CEP350: variants seen among roughly 807,000 people sequenced by gnomAD.
CEP350 encodes centrosomal protein 350.
In CEP350, 126 loss-of-function variants were observed where a neutral mutation model predicts 331.8. That is an observed-to-expected ratio of 0.38 (90% CI 0.33 to 0.44). The LOEUF is 0.44. Among genes scored for constraint, CEP350 ranks in the 20% least tolerant of loss-of-function variants. CEP350 has a pLI of 1.00. For synonymous variants in CEP350, 1,200 were observed against 1,259.5 expected (o/e 0.95, Z 1.00); for missense variants, 3,406 against 3,634.6 (o/e 0.94, Z 1.62).
In CEP350 at chr1:180,084,047, G is replaced by T; in HGVS notation, c.6154G>T (p.Gly2052Cys). ...ETTSDQSDIE[G>C]RIRALKDELR... ...TACATCTGACCAGAGTGATATTGAA[G>T]GTAGGATCAGAGCTCTGAAGGATGA... Residue 2052 changes from glycine to cysteine, a missense_variant, in exon 31 of 38, where the codon GGT becomes TGT. Physicochemically the swap from Gly to Cys is radical, Grantham distance 159. Coordinates refer to ENST00000367607, the MANE Select transcript of CEP350 (RefSeq NM_014810.5). The T allele has an allele frequency of 6.3e-7, 1 of 1,592,594 alleles. No homozygotes were observed. The highest frequency in any genetic ancestry group is 8.6e-7 in the Non-Finnish European group (1 of 1,167,232).
chr1:179,966,063 G>A (rs983215381), intron 1 of CEP350, among the ~76,000 whole-genome samples: 4 of 152,154 alleles, frequency 2.6e-5, no homozygotes, highest in Non-Finnish European at 4.4e-5. Flanking sequence ...AAAGGAGGAA[G>A]CTTACTTTAC....
At chr1:180,040,912 C>T (rs1227343600) in intron 17 of CEP350, among the ~76,000 whole-genome samples, 3 of 152,022 alleles carry the variant, frequency 2.0e-5, no homozygotes, top group Admixed American at 6.6e-5. Flanking sequence ...CCTGTATGCC[C>T]TGGAAATTTT....
chr1:180,044,772 A>G (rs1657010023), intron 21 of CEP350, among the ~76,000 whole-genome samples: 1 of 151,754 alleles, frequency 6.6e-6, no homozygotes, highest in South Asian at 2.1e-4. Flanking sequence ...GCACATGTAT[A>G]CATATGTAAC....
chr1:179,973,318 A>G (rs538637980), intron 1 of CEP350, among the ~76,000 whole-genome samples: 2 of 152,356 alleles, frequency 1.3e-5, no homozygotes, highest in East Asian at 1.9e-4. Context: ...GGTTGAAGCC[A>G]TAGACCTAGT....
At chr1:180,057,232 G>A (rs1657910061) in intron 25 of CEP350, among the ~76,000 whole-genome samples, 1 of 151,560 alleles carries the variant, frequency 6.6e-6, no homozygotes, top group African/African-American at 2.4e-5. Context: ...CTGAGTAGCT[G>A]GGATTACAGG....
At chr1:179,969,881 T>TA (rs1571790054) in intron 1 of CEP350, among the ~76,000 whole-genome samples, 1 of 152,200 alleles carries the variant, frequency 6.6e-6, no homozygotes, top group East Asian at 1.9e-4. Flanking sequence ...AACACTTTCT[T>TA]ATGTATAAGG....
At chr1:179,959,778 C>T (rs1650451843) in intron 1 of CEP350, among the ~76,000 whole-genome samples, 1 of 152,090 alleles carries the variant, frequency 6.6e-6, no homozygotes, top group Non-Finnish European at 1.5e-5. Flanking sequence ...AACAAAAAAA[C>T]TTTTGTTGGC....
chr1:180,033,336 G>A (rs1656141382), intron 15 of CEP350, among the ~76,000 whole-genome samples: 1 of 152,098 alleles, frequency 6.6e-6, no homozygotes, highest in South Asian at 2.1e-4. Flanking sequence ...ATAAAGAAAT[G>A]AAGTATATTA....
chr1:179,984,623 G>A (rs140005323), intron 1 of CEP350, among the ~76,000 whole-genome samples: 17 of 152,228 alleles, frequency 1.1e-4, no homozygotes, highest in African/African-American at 4.1e-4. Context: ...AAGTCTCTAA[G>A]TCCCACCATA....
intron 27 of CEP350, 34 bp downstream of exon 27, chr1:180,065,306 T>C (rs1193928725): frequency 6.4e-7 from 1 of 1,573,938 alleles, no homozygotes; most frequent in Admixed American, 1.9e-5. Context: ...CTTGTTTAGT[T>C]ACATTGAAAG....
In CEP350 at chr1:180,006,411, G is replaced by GA. The variant is rs1571855853; in HGVS notation, c.1133-39dup. 6 of 989,446 alleles carry GA rather than the reference G, an allele frequency of 6.1e-6. No individual in the cohort carries two copies. In the East Asian group the frequency reaches 1.6e-4, roughly 26 times the overall value. The allele number at this position is 989,446 out of a possible 1,614,324, so 61.3% of individuals were successfully genotyped here. A position where few individuals can be genotyped will look rare whatever the true frequency, so the allele number is the denominator to read the frequency against. ...ATGGGCGGAGGATAAGTGAGGGAATGAAAATCATTGTTATATTTGCTGTAA... is the reference window on the plus strand; with the variant it reads ...ATGGGCGGAGGATAAGTGAGGGAATGAAAAATCATTGTTATATTTGCTGTAA... On this transcript the variant is annotated intron_variant, in intron 7 of 37. Transcript: ENST00000367607.
intron 22 of CEP350, among the ~76,000 whole-genome samples, chr1:180,051,830 T>C (rs1382312850): frequency 6.6e-6 from 1 of 152,226 alleles, no homozygotes; most frequent in Non-Finnish European, 1.5e-5. Context: ...TACATAAACC[T>C]ATACTCTAAT....
intron 33 of CEP350, among the ~76,000 whole-genome samples, chr1:180,091,516 C>G (rs1193523207): frequency 6.6e-6 from 1 of 151,902 alleles, no homozygotes; most frequent in African/African-American, 2.4e-5. Context: ...TCAGTTTAAC[C>G]AAAAGAAAGT....
At position 180,043,132 on chromosome 1, in the gene CEP350, A is replaced by G. The variant is rs752880783; in HGVS notation, c.4439A>G (p.His1480Arg). Residue 1480 changes from histidine to arginine, a missense_variant, in exon 20 of 38, where the codon CAC (histidine) becomes CGC (arginine). This residue lies in a region of CEP350 where 1,857 missense variants were observed against 1,909.2 expected (regional missense o/e 0.97). Coordinates refer to ENST00000367607, the MANE Select transcript of CEP350 (RefSeq NM_014810.5). Reference sequence around the variant, plus strand: ...GCTCCCCTTGCAATACTGTATGACCACCAACGGCAGCACCTTCCAGACTTT... The same window carrying G: ...GCTCCCCTTGCAATACTGTATGACCGCCAACGGCAGCACCTTCCAGACTTT... ...SGAPLAILYD[H>R]QRQHLPDFVK... 4 of 1,613,730 alleles carry G rather than the reference A, an allele frequency of 2.5e-6. No homozygotes were observed. The South Asian group carries it at 4.4e-5, about 18-fold the overall frequency.
chr1:179,961,677 T>G (rs1279567230), intron 1 of CEP350, among the ~76,000 whole-genome samples: 2 of 152,172 alleles, frequency 1.3e-5, no homozygotes, highest in African/African-American at 4.8e-5. Context: ...TAAATGAAGT[T>G]AGACTACGCT....
At chr1:179,987,983 T>A (rs1191092491) in intron 3 of CEP350, among the ~76,000 whole-genome samples, 1 of 152,096 alleles carries the variant, frequency 6.6e-6, no homozygotes. Context: ...CTTTAATAAA[T>A]TTGTTCATTT....
chr1:180,108,684 A>G (rs1306481799), intron 37 of CEP350, among the ~76,000 whole-genome samples: 1 of 152,216 alleles, frequency 6.6e-6, no homozygotes, highest in Non-Finnish European at 1.5e-5. Context: ...ATAAGAGAGG[A>G]ACACCAATTC....
At chr1:179,997,490 C>T (rs1040800436) in intron 6 of CEP350, among the ~76,000 whole-genome samples, 5 of 150,486 alleles carry the variant, frequency 3.3e-5, no homozygotes, top group African/African-American at 1.2e-4. Context: ...TTACACTGAG[C>T]CGAGATCTCA....
At chr1:180,094,911 A>G (rs1216469349) in intron 34 of CEP350, among the ~76,000 whole-genome samples, 1 of 151,024 alleles carries the variant, frequency 6.6e-6, no homozygotes, top group Non-Finnish European at 1.5e-5. Flanking sequence ...TGAGTTGACA[A>G]CCCCTGTACT....
Sources: gnomAD v4.1 joint callset for allele counts (sites outside exome capture counted in the v4.1 genomes callset) on GRCh38, gnomAD v4.1.1 for gene constraint, gnomAD v4.1.1 regional missense constraint, MANE v1.5 for transcripts, NCBI Gene and HGNC (gene_info 2026-07-23, HGNC 2026-07-21) for gene names.